C2CD5: variants seen among roughly 807,000 people sequenced by gnomAD.
C2CD5 encodes the protein C2 calcium dependent domain containing 5, also known as C2 domain-containing protein 5.
A neutral mutation model predicts 130.3 loss-of-function variants in C2CD5; 109 were observed. The ratio of observed to expected loss-of-function variants is 0.84; its 90% CI spans 0.72 to 0.98. The LOEUF is 0.98. C2CD5 is among the 50% of genes least tolerant of loss of function. The pLI is 0.00. For missense variants in C2CD5, 996 were observed against 1,261.8 expected, an observed-to-expected ratio of 0.79 and a Z score of 3.19; for synonymous variants, 454 against 429.2, an observed-to-expected ratio of 1.06 and a Z score of -0.71.
intron 10 of C2CD5, among the ~76,000 whole-genome samples, chr12:22,504,836 T>A (rs192051543): frequency 6.8e-6 from 1 of 147,066 alleles, no homozygotes; most frequent in Non-Finnish European, 1.5e-5. Context: ...GATATAGAAT[T>A]TGGCATAGTC....
chr12:22,465,078 C>A (rs959372688), intron 22 of C2CD5, among the ~76,000 whole-genome samples: 2 of 152,092 alleles, frequency 1.3e-5, no homozygotes, highest in African/African-American at 2.4e-5. Flanking sequence ...GACGTAGACA[C>A]CTAATTTTGA....
chr12:22,516,049 GAAAA>G (rs74317886), intron 8 of C2CD5, among the ~76,000 whole-genome samples: 1 of 130,210 alleles, frequency 7.7e-6, no homozygotes, highest in Non-Finnish European at 1.7e-5. Context: ...ACTACAAACA[GAAAA>G]AAAAAAAAAC....
chr12:22,456,884 G>T, intron 25 of C2CD5, 87 bp downstream of exon 25: 1 of 768,778 alleles, frequency 1.3e-6, no homozygotes, highest in Non-Finnish European at 2.1e-6. Context: ...TAAGTTTTTG[G>T]CAAAAAATAA....
chr12:22,468,257 C>A (rs1019841579), intron 22 of C2CD5, among the ~76,000 whole-genome samples: 2 of 152,116 alleles, frequency 1.3e-5, no homozygotes, highest in African/African-American at 4.8e-5. Flanking sequence ...CTCCCCCTAT[C>A]GCCTGGGCTG....
At chr12:22,529,080 C>A (rs972132247) in intron 3 of C2CD5, among the ~76,000 whole-genome samples, 14 of 151,938 alleles carry the variant, frequency 9.2e-5, no homozygotes, top group Non-Finnish European at 2.1e-4. Context: ...ACAAGGAAAA[C>A]CGGGGTGGGC....
intron 3 of C2CD5, among the ~76,000 whole-genome samples, chr12:22,531,294 G>C (rs976669269): frequency 2.6e-5 from 4 of 152,118 alleles, no homozygotes; most frequent in Admixed American, 6.6e-5. Context: ...ATACACAAAA[G>C]AAAATGAGAA....
At chr12:22,497,489 G>A (rs749024907) in intron 10 of C2CD5, 23 of 220,486 alleles carry the variant, frequency 1.0e-4, no homozygotes, top group Non-Finnish European at 1.8e-4. Flanking sequence ...AACAAAAGGA[G>A]ATAAAATGTT....
chr12:22,498,385 T>TA (rs1947324864), intron 10 of C2CD5, among the ~76,000 whole-genome samples: 1 of 152,072 alleles, frequency 6.6e-6, no homozygotes, highest in African/African-American at 2.4e-5. Flanking sequence ...AATTGAAACT[T>TA]AAACTAAAAA....
intron 9 of C2CD5, among the ~76,000 whole-genome samples, chr12:22,507,637 A>G (rs6487306): frequency 0.16 from 24,236 of 152,212 alleles, 3,839 homozygotes; most frequent in African/African-American, 0.41. Flanking sequence ...AGCTCCTGTG[A>G]AAACATGGAG....
At position 22,543,862 on chromosome 12, in the gene C2CD5, G is replaced by A. The variant is rs185916620; in HGVS notation, c.90+199C>T. On this transcript the variant is annotated intron_variant, in intron 2 of 26. Transcript: ENST00000446597. ...CAAGCCTCCCCGCGCAGCGGACTGTGCCGCGGACGCCTGCAAGCCGTGCAC... is the reference window on the plus strand; with the variant it reads ...CAAGCCTCCCCGCGCAGCGGACTGTACCGCGGACGCCTGCAAGCCGTGCAC... Among the ~76,000 whole-genome samples, 432 of 152,274 alleles carry A rather than the reference G, an allele frequency of 2.8e-3. 3 individuals carry two copies. Among genetic ancestry groups the A allele is most frequent in the African/African-American group, 0.01 (426 of 41,548 alleles).
At chr12:22,505,526 C>T (rs376765989) in intron 10 of C2CD5, among the ~76,000 whole-genome samples, 18 of 152,132 alleles carry the variant, frequency 1.2e-4, no homozygotes, top group African/African-American at 3.6e-4. Context: ...CTGGATGTGA[C>T]AATTTAAAAT....
intron 9 of C2CD5, among the ~76,000 whole-genome samples, chr12:22,509,020 G>A (rs1948891473): frequency 6.6e-6 from 1 of 151,734 alleles, no homozygotes; most frequent in African/African-American, 2.4e-5. Flanking sequence ...GGGACTACAG[G>A]CGCCCGCCAC....
Position 22,449,889 on chromosome 12 carries a change from T to C in C2CD5, c.3027A>G (p.Ala1009=). ...CACCACTTACATTTATAAGACACTGTGCCTATAAGAACAACAAACAGGACA... is the reference window on the plus strand; with the variant it reads ...CACCACTTACATTTATAAGACACTGCGCCTATAAGAACAACAAACAGGACA... ...VFMENPNKNQ[A]QCLINVSGDA... is the part of the protein sequence containing the mutation. The change falls in exon 27 of 27, where the codon GCA becomes GCG. Residue 1009 remains alanine (A), a splice_region_variant and synonymous_variant. Transcript: ENST00000446597. 6.2e-7 allele frequency: 1 copy of C among 1,605,364 alleles called. No individual in the cohort carries two copies. Among genetic ancestry groups the C allele is most frequent in the Non-Finnish European group, 8.5e-7 (1 of 1,173,228 alleles).
At chr12:22,459,045 A>T (rs1184823622) in intron 23 of C2CD5, among the ~76,000 whole-genome samples, 5 of 152,234 alleles carry the variant, frequency 3.3e-5, no homozygotes, top group African/African-American at 1.2e-4. Flanking sequence ...TTTAAAAGTT[A>T]GTAGTTGACT....
rs1324951550 is a variant in C2CD5, at chr12:22,523,623, A to T, written c.603T>A (p.Gly201=). The part of the protein sequence containing the change: ...ARQRLISLMS[G]ELQRKIGLKV... ...TCAAGCCAATCTTCCTCTGCAGCTC[A>T]CCTACAAAACATGGGAAATCTCATT... Residue 201 remains glycine (G), a splice_region_variant and synonymous_variant, in exon 7 of 27, where the codon GGT becomes GGA. Coordinates refer to ENST00000446597, the MANE Select transcript of C2CD5 (RefSeq NM_001286176.2). 1 of 1,610,860 alleles carries T rather than the reference A, an allele frequency of 6.2e-7. No homozygotes were observed. Among genetic ancestry groups the T allele is most frequent in the Non-Finnish European group, 8.5e-7 (1 of 1,178,428 alleles).
intron 24 of C2CD5, 48 bp downstream of exon 24, chr12:22,458,436 G>T: frequency 1.2e-6 from 1 of 867,752 alleles, no homozygotes; most frequent in Non-Finnish European, 1.5e-6. Context: ...TGGGAAATCA[G>T]GGATATGTTT....
In C2CD5 at chr12:22,449,499, TTCCATC is replaced by T. The variant is rs1938056864; in HGVS notation, c.*255_*260del. 2 of 295,026 alleles carry T rather than the reference TTCCATC, an allele frequency of 6.8e-6. No homozygotes were observed. The highest frequency in any genetic ancestry group is 1.3e-5 in the Non-Finnish European group (2 of 159,224). 18.3% of individuals were successfully genotyped at this position (295,026 alleles called of 1,614,324 possible). A position where few individuals can be genotyped will look rare whatever the true frequency, so the allele number is the denominator to read the frequency against. The stretch of plus-strand genomic sequence containing the variant: ...TTAAAATCAACATAAATTACAAAGG[TTCCATC>T]TTTGCTACGGTTCTTTTAAAAATTT... On this transcript the variant is annotated 3_prime_UTR_variant, in exon 27 of 27. Transcript: ENST00000446597.
chr12:22,473,816 T>G (rs1943415911), intron 16 of C2CD5, among the ~76,000 whole-genome samples: 1 of 152,146 alleles, frequency 6.6e-6, no homozygotes, highest in Non-Finnish European at 1.5e-5. Flanking sequence ...ACACTTTGAG[T>G]AGCATTGCTG....
chr12:22,541,921 C>A (rs1952429080), intron 2 of C2CD5, among the ~76,000 whole-genome samples: 1 of 152,166 alleles, frequency 6.6e-6, no homozygotes, highest in South Asian at 2.1e-4. Flanking sequence ...GTAACTAGCC[C>A]AGAGCCTGGC....
Sources: allele counts gnomAD v4.1 joint callset (sites outside exome capture counted in the v4.1 genomes callset), GRCh38; gene constraint gnomAD v4.1.1; transcripts MANE v1.5; gene names NCBI Gene and HGNC (gene_info 2026-07-23, HGNC 2026-07-21).